The following ABLIM1 variants were observed in gnomAD, a reference collection of about 807,000 sequenced individuals.
ABLIM1 encodes actin-binding LIM protein 1.
A neutral mutation model predicts 107.0 loss-of-function variants in ABLIM1; 40 were observed. The observed-to-expected ratio is 0.37, with a 90% confidence interval of 0.29 to 0.49. The LOEUF (loss-of-function observed/expected upper bound fraction) is 0.49. Ranked by LOEUF, ABLIM1 falls within the 20% of genes least tolerant of loss-of-function variation. The pLI is 0.97. For synonymous variants in ABLIM1, 357 were observed against 357.3 expected, an observed-to-expected ratio of 1.00 and a Z score of 0.01; for missense variants, 857 against 1,008.5, an observed-to-expected ratio of 0.85 and a Z score of 2.04.
chr10:114,540,464 C>A (rs1421703373), intron 6 of ABLIM1, among the ~76,000 whole-genome samples: 1 of 152,104 alleles, frequency 6.6e-6, no homozygotes, highest in East Asian at 1.9e-4. Context: ...GGCCCGTCTC[C>A]CCACCCGTTC....
upstream of ABLIM1, among the ~76,000 whole-genome samples, chr10:114,769,405 AGAAAGAAAGAAAAGAAG>A (rs1382062830): frequency 1.8e-4 from 24 of 133,622 alleles, no homozygotes; most frequent in African/African-American, 7.0e-4. Flanking sequence ...AAGAAAAGAA[AGAAAGAAAGAAAAGAAG>A]GAAAGAAAGA....
At chr10:114,589,590 G>A (rs1253582967) in intron 2 of ABLIM1, among the ~76,000 whole-genome samples, 1 of 151,604 alleles carries the variant, frequency 6.6e-6, no homozygotes, top group Non-Finnish European at 1.5e-5. Flanking sequence ...GGAGTGCAGT[G>A]GCTAATCACA....
intron 1 of ABLIM1, among the ~76,000 whole-genome samples, chr10:114,717,967 G>T (rs932677956): frequency 7.3e-6 from 1 of 136,522 alleles, no homozygotes; most frequent in Admixed American, 7.9e-5. Flanking sequence ...AAGAGAGAAA[G>T]AAGGGAAAGA....
At chr10:114,542,451 G>C (rs913466189) in intron 6 of ABLIM1, among the ~76,000 whole-genome samples, 1 of 139,814 alleles carries the variant, frequency 7.2e-6, no homozygotes, top group Non-Finnish European at 1.6e-5. Flanking sequence ...AAAAAAAAAA[G>C]AAAAGAAGAA....
In ABLIM1 at chr10:114,629,835, AAAACAAAC is replaced by A. The variant is rs146186005; in HGVS notation, c.245-27882_245-27875del. On this transcript the variant is annotated intron_variant, in intron 1 of 22. Coordinates refer to ENST00000533213, the MANE Select transcript of ABLIM1 (RefSeq NM_002313.7). The surrounding 1 kb of genome is among the most constrained non-coding windows in gnomAD (Gnocchi z 4.0). ...TATGGAAACCCTTGTGTACCTACCAAAAACAAACAAACAAACAAACAAAAATGAAACGA... is the reference window on the plus strand; with the variant it reads ...TATGGAAACCCTTGTGTACCTACCAAAAACAAACAAACAAAAATGAAACGA... Among the ~76,000 whole-genome samples, 1 of 151,776 alleles carries A rather than the reference AAAACAAAC, an allele frequency of 6.6e-6. No homozygotes were observed. The highest frequency in any genetic ancestry group is 2.4e-5 in the African/African-American group (1 of 41,270).
chr10:114,778,607 A>ACACACACACACC, the ABLIM1 span: 1 of 144,314 alleles, frequency 6.9e-6, no homozygotes, highest in African/African-American at 2.9e-5. Flanking sequence ...ACACACACAC[A>ACACACACACACC]CACACATACA....
chr10:114,467,090 C>T (rs916360320), intron 11 of ABLIM1, among the ~76,000 whole-genome samples: 1 of 152,058 alleles, frequency 6.6e-6, no homozygotes, highest in Non-Finnish European at 1.5e-5. Context: ...ACCCAGGAGG[C>T]AGAGGTTGCA....
intron 1 of ABLIM1, among the ~76,000 whole-genome samples, chr10:114,761,002 G>C (rs1181667207): frequency 6.6e-6 from 1 of 152,124 alleles, no homozygotes; most frequent in Non-Finnish European, 1.5e-5. Context: ...TGGGAGCCCT[G>C]TAACTCAAAG....
chr10:114,439,015 G>A (rs1296488969), intron 21 of ABLIM1, among the ~76,000 whole-genome samples, 161 bp downstream of exon 21: 1 of 152,248 alleles, frequency 6.6e-6, no homozygotes. Context: ...CTGCTGACCT[G>A]ATGTGGGCAA....
At chr10:114,679,261 C>T (rs2080630665) in intron 1 of ABLIM1, among the ~76,000 whole-genome samples, 1 of 152,168 alleles carries the variant, frequency 6.6e-6, no homozygotes, top group South Asian at 2.1e-4. Context: ...AAAAAGTGTG[C>T]TGCCTGCTCT....
intron 2 of ABLIM1, among the ~76,000 whole-genome samples, chr10:114,593,692 C>A (rs573745818): frequency 6.6e-6 from 1 of 152,212 alleles, no homozygotes; most frequent in East Asian, 1.9e-4. Flanking sequence ...GTTTGTTGTG[C>A]AAATGACCTT....
chr10:114,759,941 T>C (rs1253182745), intron 1 of ABLIM1, among the ~76,000 whole-genome samples: 1 of 152,226 alleles, frequency 6.6e-6, no homozygotes, highest in Non-Finnish European at 1.5e-5. Flanking sequence ...AAATATATAC[T>C]TAAATGTGAG....
the ABLIM1 span, among the ~76,000 whole-genome samples, chr10:114,783,099 T>C: frequency 0.012 from 1,831 of 151,928 alleles, 19 homozygotes; most frequent in Admixed American, 0.02. Flanking sequence ...CTGGCCAACA[T>C]AGTGAAACCC....
intron 6 of ABLIM1, among the ~76,000 whole-genome samples, chr10:114,499,198 C>T (rs1271747056): frequency 7.2e-5 from 11 of 152,170 alleles, no homozygotes; most frequent in Admixed American, 7.2e-4. Flanking sequence ...AAAACATCTT[C>T]CACAGGAATT....
intron 6 of ABLIM1, among the ~76,000 whole-genome samples, chr10:114,512,156 A>C (rs1466262445): frequency 6.6e-6 from 1 of 152,218 alleles, no homozygotes; most frequent in African/African-American, 2.4e-5. Context: ...TTCCAAAAGT[A>C]ATGGGTCTAT....
chr10:114,551,173 A>G lies in ABLIM1; in HGVS notation c.674-3397T>C, dbSNP rs149104007. ...TAGGCTGCTATCAGGAAGAAAAGAG[A>G]TCATGCACTGTAAAGTGTTTTGCAT... On this transcript the variant is annotated intron_variant, in intron 4 of 22. Coordinates refer to ENST00000533213, the MANE Select transcript of ABLIM1 (RefSeq NM_002313.7). 7.0e-4 allele frequency among the ~76,000 whole-genome samples: 107 copies of G among 152,332 alleles called. 1 individual carries two copies. The highest frequency in any genetic ancestry group is 2.3e-3 in the African/African-American group (97 of 41,558).
At chr10:114,787,605 G>A in the ABLIM1 span, among the ~76,000 whole-genome samples, 2 of 146,178 alleles carry the variant, frequency 1.4e-5, no homozygotes, top group Non-Finnish European at 3.0e-5. Flanking sequence ...CGCCCGGCCA[G>A]CCGCCCCGTC....
At chr10:114,569,482 G>A (rs536641488) in intron 4 of ABLIM1, among the ~76,000 whole-genome samples, 5 of 152,028 alleles carry the variant, frequency 3.3e-5, no homozygotes, top group Non-Finnish European at 7.4e-5. Context: ...ACCACGCTCG[G>A]CTAATTTTTG....
upstream of ABLIM1, among the ~76,000 whole-genome samples, chr10:114,689,644 G>A (rs2081029486): frequency 6.6e-6 from 1 of 151,964 alleles, no homozygotes; most frequent in African/African-American, 2.4e-5. Context: ...TTATAGGTAT[G>A]AGCCACCGCA....
Sources: gnomAD v4.1 joint callset for allele counts (sites outside exome capture counted in the v4.1 genomes callset) on GRCh38, gnomAD v4.1.1 for gene constraint, Gnocchi (gnomAD v3.1) non-coding constraint, MANE v1.5 for transcripts, NCBI Gene and HGNC (gene_info 2026-07-23, HGNC 2026-07-21) for gene names.